Variants in RNF150 observed in about 807,000 individuals in gnomAD.
RNF150 encodes ring finger protein 150.
Under a neutral mutation model 39.3 loss-of-function variants are expected in RNF150, and 24 were observed. The observed-to-expected ratio is 0.61, with a 90% confidence interval of 0.44 to 0.86. RNF150 has a LOEUF of 0.86. Among genes scored for constraint, RNF150 ranks in the 40% least tolerant of loss-of-function variants. The probability of loss-of-function intolerance (pLI) is 0.00; values close to 1 mark genes in which losing one functional copy is unlikely to be tolerated. For synonymous variants in RNF150, 255 were observed against 227.3 expected (o/e 1.12, Z -1.10); for missense variants, 502 against 587.8 (o/e 0.85, Z 1.51).
At chr4:141,113,291 G>A (rs899187392) in intron 1 of RNF150, among the ~76,000 whole-genome samples, 2 of 147,288 alleles carry the variant, frequency 1.4e-5, no homozygotes, top group African/African-American at 2.5e-5. Flanking sequence ...AAGACACACA[G>A]AGGCTCAAAA....
intron 6 of RNF150, among the ~76,000 whole-genome samples, chr4:140,868,640 G>A (rs182535074): frequency 2.2e-4 from 34 of 152,108 alleles, no homozygotes; most frequent in Admixed American, 7.2e-4. Context: ...CCGTAAGTTG[G>A]GCAAGAAATT....
At position 141,132,177 on chromosome 4, in the gene RNF150, G is replaced by A. The variant is rs533443075; in HGVS notation, c.484+148C>T. 6.3e-4 allele frequency: 502 copies of A among 796,312 alleles called. No homozygotes were observed. Among genetic ancestry groups the A allele is most frequent in the Admixed American group, 6.6e-4 (23 of 34,720 alleles). The allele number at this position is 796,312 out of a possible 1,614,324, so 49.3% of individuals were successfully genotyped here. A position where few individuals can be genotyped will look rare whatever the true frequency, so the allele number is the denominator to read the frequency against. ...TCTTTGTAAACCCCCCAAGTGACGC[G>A]GAGCAAAACTTAATCGGTCCAGGGA... On this transcript the variant is annotated intron_variant, in intron 1 of 6. Coordinates refer to ENST00000515673, the MANE Select transcript of RNF150 (RefSeq NM_020724.2). This position sits in a 1 kb window ranked among gnomAD's most constrained non-coding sequence, Gnocchi z 4.9.
intron 4 of RNF150, among the ~76,000 whole-genome samples, chr4:140,935,075 A>T (rs868577830): frequency 1.1e-5 from 1 of 93,372 alleles, no homozygotes; most frequent in African/African-American, 4.9e-5. Flanking sequence ...TATAATATAT[A>T]TATAATATAT....
At chr4:140,908,516 T>C (rs565473155) in intron 6 of RNF150, among the ~76,000 whole-genome samples, 17 of 152,294 alleles carry the variant, frequency 1.1e-4, no homozygotes, top group African/African-American at 3.6e-4. Context: ...CTTTATCCCA[T>C]CTTTACCAGT....
At chr4:141,202,544 G>A (rs1728307160) in intron 1 of RNF150, among the ~76,000 whole-genome samples, 1 of 151,896 alleles carries the variant, frequency 6.6e-6, no homozygotes, top group South Asian at 2.1e-4. Flanking sequence ...AACATAGAAT[G>A]ATTATTTTTC....
intron 2 of RNF150, 81 bp from the exon 3 acceptor site, chr4:140,949,453 G>T: frequency 8.5e-7 from 1 of 1,178,434 alleles, no homozygotes; most frequent in South Asian, 1.3e-5. Context: ...ATACACCAGG[G>T]CAGCTAGCTC....
intron 1 of RNF150, among the ~76,000 whole-genome samples, chr4:141,009,144 C>G (rs1411701937): frequency 1.3e-5 from 2 of 152,144 alleles, no homozygotes; most frequent in African/African-American, 4.8e-5. Context: ...CTGGAACTCT[C>G]TTGCATGGCT....
At chr4:141,072,428 T>A (rs1737742160) in intron 1 of RNF150, among the ~76,000 whole-genome samples, 1 of 152,158 alleles carries the variant, frequency 6.6e-6, no homozygotes, top group South Asian at 2.1e-4. Flanking sequence ...ATGCCCATTG[T>A]GTTTTGTGGT....
intron 5 of RNF150, 135 bp downstream of exon 5, chr4:140,925,842 G>T: frequency 1.5e-6 from 1 of 654,280 alleles, no homozygotes; most frequent in Non-Finnish European, 2.7e-6. Context: ...GAGTTCTCTT[G>T]GAGCCTTGTA....
chr4:140,899,970 CTCTCTGTGTGTGTGTGTGTG>C (rs1560955114), intron 6 of RNF150, among the ~76,000 whole-genome samples: 1 of 135,300 alleles, frequency 7.4e-6, no homozygotes, highest in Non-Finnish European at 1.5e-5. Context: ...CTCTCTCTCT[CTCTCTGTGTGTGTGTGTGTG>C]TGTGTGTGTG....
chr4:140,991,381 T>A (rs1734192278), intron 1 of RNF150, among the ~76,000 whole-genome samples: 1 of 152,204 alleles, frequency 6.6e-6, no homozygotes, highest in Admixed American at 6.5e-5. Context: ...TTTGCTTTTG[T>A]TGCAATTGCT....
At chr4:140,888,002 A>G (rs1729638512) in intron 6 of RNF150, among the ~76,000 whole-genome samples, 1 of 152,214 alleles carries the variant, frequency 6.6e-6, no homozygotes. Flanking sequence ...CTTCCAGTCT[A>G]TTTAAGGTTT....
chr4:141,197,736 T>C (rs1332799224), intron 1 of RNF150, among the ~76,000 whole-genome samples: 1 of 151,588 alleles, frequency 6.6e-6, no homozygotes, highest in Admixed American at 6.6e-5. Context: ...AAATTAGCCA[T>C]GTATGGTGGT....
At chr4:141,015,940 G>A (rs556373497) in intron 1 of RNF150, among the ~76,000 whole-genome samples, 3 of 151,914 alleles carry the variant, frequency 2.0e-5, no homozygotes, top group South Asian at 2.1e-4. Context: ...ATTTTGGGGG[G>A]TGGGGTGTGT....
intron 1 of RNF150, among the ~76,000 whole-genome samples, chr4:141,063,426 T>G (rs1295309140): frequency 6.6e-6 from 1 of 152,230 alleles, no homozygotes; most frequent in Non-Finnish European, 1.5e-5. Context: ...AAAATTTTTC[T>G]TTTTGAATAA....
intron 1 of RNF150, among the ~76,000 whole-genome samples, chr4:141,017,426 A>C (rs1406623752): frequency 6.6e-6 from 1 of 152,150 alleles, no homozygotes; most frequent in Non-Finnish European, 1.5e-5. Flanking sequence ...CTACTTTCAC[A>C]CACACAGCCT....
chr4:140,964,354 G>GT (rs1202110006), intron 2 of RNF150, among the ~76,000 whole-genome samples: 1 of 145,572 alleles, frequency 6.9e-6, no homozygotes, highest in East Asian at 2.0e-4. Flanking sequence ...TATGGGGCTA[G>GT]TATCTATTAA....
chr4:141,131,931 T>A (rs369204646), intron 1 of RNF150, among the ~76,000 whole-genome samples: 53 of 152,274 alleles, frequency 3.5e-4, no homozygotes, highest in Admixed American at 7.2e-4. Context: ...GTATACCTGA[T>A]GCACAGACCC....
chr4:141,110,234 C>CT (rs1739343124), intron 1 of RNF150, among the ~76,000 whole-genome samples: 1 of 152,148 alleles, frequency 6.6e-6, no homozygotes, highest in Non-Finnish European at 1.5e-5. Context: ...ACAGCACTTG[C>CT]TTATGGGCCC....
Sources: allele counts gnomAD v4.1 joint callset (sites outside exome capture counted in the v4.1 genomes callset), GRCh38; gene constraint gnomAD v4.1.1; non-coding constraint Gnocchi (gnomAD v3.1); transcripts MANE v1.5; gene names NCBI Gene and HGNC (gene_info 2026-07-23, HGNC 2026-07-21).